Variants in PACS1 observed in about 807,000 individuals in gnomAD.
PACS1 encodes phosphofurin acidic cluster sorting protein 1, also known as PACS-1.
PACS1 carries 24 observed loss-of-function variants against 115.0 expected under a neutral mutation model. That is an observed-to-expected ratio of 0.21 (90% CI 0.15 to 0.29). The LOEUF is 0.29. Among genes scored for constraint, PACS1 ranks in the 10% least tolerant of loss-of-function variants. The pLI, the probability that PACS1 is intolerant of heterozygous loss-of-function variation, is 1.00. For missense variants in PACS1, 838 were observed against 1,251.2 expected, an observed-to-expected ratio of 0.67 and a Z score of 4.98; for synonymous variants, 453 against 504.5, an observed-to-expected ratio of 0.90 and a Z score of 1.37.
At chr11:66,076,310 AG>A (rs1471303810) in intron 1 of PACS1, among the ~76,000 whole-genome samples, 1 of 152,214 alleles carries the variant, frequency 6.6e-6, no homozygotes, top group African/African-American at 2.4e-5. Context: ...CTGTTGTTGT[AG>A]GTGCTGGAAT....
chr11:66,196,726 T>A (rs894571478), intron 2 of PACS1, among the ~76,000 whole-genome samples: 4 of 152,042 alleles, frequency 2.6e-5, no homozygotes, highest in Admixed American at 1.3e-4. Context: ...GCCTCCTGAG[T>A]AGCTGGGACT....
intron 1 of PACS1, among the ~76,000 whole-genome samples, chr11:66,148,318 C>T (rs759292815): frequency 3.3e-5 from 5 of 152,046 alleles, no homozygotes; most frequent in African/African-American, 4.8e-5. Context: ...GCATGCCTGG[C>T]TAATTTTTGT....
intron 1 of PACS1, among the ~76,000 whole-genome samples, chr11:66,071,384 G>A (rs764509926): frequency 6.6e-6 from 1 of 151,982 alleles, no homozygotes; most frequent in Non-Finnish European, 1.5e-5. Context: ...CTTAGTTTTG[G>A]GGCCCTATTT....
At chr11:66,076,759 T>C (rs1448056381) in intron 1 of PACS1, among the ~76,000 whole-genome samples, 1 of 152,222 alleles carries the variant, frequency 6.6e-6, no homozygotes, top group East Asian at 1.9e-4. Flanking sequence ...CTCTGAAATT[T>C]GGTGTTGGCC....
At chr11:66,076,305 G>A (rs1234032588) in intron 1 of PACS1, among the ~76,000 whole-genome samples, 1 of 152,178 alleles carries the variant, frequency 6.6e-6, no homozygotes, top group Non-Finnish European at 1.5e-5. Flanking sequence ...TGTCACTGTT[G>A]TTGTAGGTGC....
intron 1 of PACS1, among the ~76,000 whole-genome samples, chr11:66,071,431 C>G (rs926125595): frequency 3.9e-5 from 6 of 152,246 alleles, no homozygotes; most frequent in Non-Finnish European, 5.9e-5. Context: ...TCCCCTCCCC[C>G]ACTAAAACTG....
At chr11:66,180,968 A>G (rs1346353368) in intron 1 of PACS1, among the ~76,000 whole-genome samples, 1 of 152,040 alleles carries the variant, frequency 6.6e-6, no homozygotes, top group Non-Finnish European at 1.5e-5. Context: ...CCTTTCAACC[A>G]TTATCCCTTT....
rs1857291993 is a variant in PACS1 at position 66,070,659 on chromosome 11, C to T, written c.173C>T (p.Ser58Leu). The T allele has an allele frequency of 2.6e-6, 4 of 1,567,644 alleles. No individual in the cohort carries two copies. Among genetic ancestry groups the T allele is most frequent in the Non-Finnish European group, 3.4e-6 (4 of 1,163,164 alleles). Residue 58 changes from serine (S) to leucine (L), a missense_variant, in exon 1 of 24, where the codon TCG becomes TTG. By Grantham distance (145) the Ser-to-Leu change is moderately radical (BLOSUM62 -2). Coordinates refer to ENST00000320580, the MANE Select transcript of PACS1 (RefSeq NM_018026.4). The surrounding 1 kb of genome is among the most constrained non-coding windows in gnomAD (Gnocchi z 5.9). The part of the protein sequence containing the change: ...PKLAQATSSS[S>L]STSAAAASSS... ...CTGGCCCAGGCCACCTCGTCGTCCT[C>T]GTCCACCTCGGCGGCGGCTGCCTCC...
chr11:66,082,455 G>A (rs763216058), intron 1 of PACS1, among the ~76,000 whole-genome samples: 20 of 152,120 alleles, frequency 1.3e-4, no homozygotes, highest in South Asian at 8.3e-4. Context: ...CCTCAGCTTC[G>A]CAAAGTATTG....
chr11:66,181,205 T>TA lies in PACS1; in HGVS notation c.357-12279dup, dbSNP rs1487931616. Among the ~76,000 whole-genome samples, 3 of 151,536 alleles carry TA rather than the reference T, an allele frequency of 2.0e-5. No homozygotes were observed. In the East Asian group the frequency reaches 5.8e-4, roughly 29 times the overall value. ...GTTGCTTTTTTTTTTATTTTAATTT[T>TA]AATTTTTTATTTTTTATTTTTTTTG... On this transcript the variant is annotated intron_variant, in intron 1 of 23. Coordinates refer to ENST00000320580, the MANE Select transcript of PACS1 (RefSeq NM_018026.4).
Position 66,162,143 on chromosome 11 carries a change from T to G in PACS1, c.357-31343T>G, listed in dbSNP as rs933049365. ...TTTTTTTTTTTTTTTTTTTTTTTTT[T>G]GAGACAGTGTCTCTGTCGCCCAAGC... On this transcript the variant is annotated intron_variant, in intron 1 of 23. Coordinates refer to ENST00000320580, the MANE Select transcript of PACS1 (RefSeq NM_018026.4). Among the ~76,000 whole-genome samples, 11 of 104,914 alleles carry G rather than the reference T, an allele frequency of 1.0e-4. No individual in the cohort carries two copies. In the South Asian group the frequency reaches 3.6e-3, roughly 35 times the overall value. 68.8% of individuals were successfully genotyped at this position (104,914 alleles called of 152,430 possible).
rs779722459 is a variant in PACS1 at position 66,193,558 on chromosome 11, C to A, written c.429C>A (p.Ile143=). Residue 143 remains isoleucine, a synonymous_variant, in exon 2 of 24, where the codon ATC becomes ATA. Coordinates refer to ENST00000320580, the MANE Select transcript of PACS1 (RefSeq NM_018026.4). ...ACAAAGATCTTAACTCAGTGGTCATCGCTGTGAAGCTGCAGGTGAGTGGGG... is the reference window on the plus strand; with the variant it reads ...ACAAAGATCTTAACTCAGTGGTCATAGCTGTGAAGCTGCAGGTGAGTGGGG... ...EMDKDLNSVV[I]AVKLQGSKRI... is the part of the protein sequence containing the mutation. The A allele has an allele frequency of 1.2e-5, 19 of 1,612,812 alleles. No homozygotes were observed. The South Asian group carries it at 2.1e-4, about 18-fold the overall frequency.
intron 1 of PACS1, among the ~76,000 whole-genome samples, chr11:66,188,090 T>C (rs1402890304): frequency 1.3e-5 from 2 of 152,082 alleles, no homozygotes; most frequent in Non-Finnish European, 2.9e-5. Context: ...TTTTATATGT[T>C]CGTTGGCTAT....
chr11:66,097,074 T>C (rs912207385), intron 1 of PACS1, among the ~76,000 whole-genome samples: 3 of 152,092 alleles, frequency 2.0e-5, no homozygotes, highest in African/African-American at 7.2e-5. Flanking sequence ...GTTTAAACTT[T>C]GTAAGAAACT....
intron 1 of PACS1, among the ~76,000 whole-genome samples, chr11:66,173,613 G>A (rs945614536): frequency 6.6e-6 from 1 of 152,050 alleles, no homozygotes; most frequent in Non-Finnish European, 1.5e-5. Flanking sequence ...GGGAGGCTGA[G>A]GCAGGAGAAT....
At chr11:66,123,055 A>G (rs1858479741) in intron 1 of PACS1, among the ~76,000 whole-genome samples, 1 of 152,142 alleles carries the variant, frequency 6.6e-6, no homozygotes, top group Non-Finnish European at 1.5e-5. Flanking sequence ...TCATTGTCTT[A>G]TTTTAAGAAA....
chr11:66,089,461 G>A, intron 1 of PACS1, among the ~76,000 whole-genome samples: 1 of 152,144 alleles, frequency 6.6e-6, no homozygotes, highest in South Asian at 2.1e-4. Context: ...TTAGCAAACA[G>A]TTAATCTTTA....
chr11:66,230,728 CT>C (rs1047330552), intron 12 of PACS1, 65 bp downstream of exon 12: 152 of 1,612,038 alleles, frequency 9.4e-5, no homozygotes, highest in Admixed American at 1.2e-4. Context: ...GGCTTCAGGG[CT>C]GAGGGAAAGC....
chr11:66,091,489 T>G (rs1857658567), intron 1 of PACS1, among the ~76,000 whole-genome samples: 2 of 150,638 alleles, frequency 1.3e-5, no homozygotes, highest in African/African-American at 2.5e-5. Context: ...TTTTTTCTCA[T>G]TGTTGTTGTT....
Sources: gnomAD v4.1 joint callset for allele counts (sites outside exome capture counted in the v4.1 genomes callset) on GRCh38, gnomAD v4.1.1 for gene constraint, Gnocchi (gnomAD v3.1) non-coding constraint, MANE v1.5 for transcripts, NCBI Gene and HGNC (gene_info 2026-07-23, HGNC 2026-07-21) for gene names.